Variants in SLIT3 observed in about 807,000 individuals in gnomAD.
SLIT3 encodes the protein slit guidance ligand 3, also known as slit homolog 3 protein.
A neutral mutation model predicts 184.0 loss-of-function variants in SLIT3; 68 were observed. The ratio of observed to expected loss-of-function variants is 0.37; its 90% CI spans 0.30 to 0.45. SLIT3 has a LOEUF of 0.45. SLIT3 is among the 20% of genes least tolerant of loss of function. SLIT3 has a pLI of 1.00. For synonymous variants in SLIT3, 831 were observed against 828.6 expected, an observed-to-expected ratio of 1.00 and a Z score of -0.05; for missense variants, 1,707 against 2,026.0, an observed-to-expected ratio of 0.84 and a Z score of 3.02.
At chr5:169,051,123 A>C (rs1757799538) in intron 4 of SLIT3, among the ~76,000 whole-genome samples, 1 of 152,208 alleles carries the variant, frequency 6.6e-6, no homozygotes, top group African/African-American at 2.4e-5. Context: ...GTCAGAAGCA[A>C]TAAAAGTAGA....
At chr5:168,826,175 A>G (rs372994466) in intron 6 of SLIT3, among the ~76,000 whole-genome samples, 143 of 152,346 alleles carry the variant, frequency 9.4e-4, no homozygotes, top group African/African-American at 3.3e-3. Context: ...GTATTACTAC[A>G]CTGATATTTA....
At chr5:169,168,681 G>A (rs867991073) in intron 4 of SLIT3, among the ~76,000 whole-genome samples, 3 of 152,160 alleles carry the variant, frequency 2.0e-5, no homozygotes, top group Admixed American at 6.5e-5. Flanking sequence ...TGACAAAGTC[G>A]AGATTCAGAC....
rs150679300 is a variant in SLIT3, at chr5:168,921,716, G to A, written c.414-38380C>T. 7.9e-3 allele frequency among the ~76,000 whole-genome samples: 1,203 copies of A among 152,206 alleles called. 15 individuals carry two copies. Among genetic ancestry groups the A allele is most frequent in the African/African-American group, 0.027 (1,125 of 41,514 alleles). On this transcript the variant is annotated intron_variant, in intron 4 of 35. Transcript: ENST00000519560. The stretch of plus-strand genomic sequence containing the variant: ...CAAGCTGCTTACTTTCCTCCCACCC[G>A]CTCAGGGAGCATCCTTGATCTTTGA...
chr5:168,743,441 T>A (rs2113438542), intron 20 of SLIT3, among the ~76,000 whole-genome samples: 1 of 152,328 alleles, frequency 6.6e-6, no homozygotes, highest in African/African-American at 2.4e-5. Flanking sequence ...GTAATTGTTT[T>A]GAGGCACCAC....
intron 10 of SLIT3, among the ~76,000 whole-genome samples, chr5:168,793,351 T>A (rs1756451702): frequency 6.6e-6 from 1 of 152,134 alleles, no homozygotes; most frequent in South Asian, 2.1e-4. Flanking sequence ...GTCACGTATA[T>A]TTAGGAAAAA....
chr5:169,194,233 C>CAAAAAA (rs10571842), intron 3 of SLIT3, among the ~76,000 whole-genome samples: 21 of 61,396 alleles, frequency 3.4e-4, no homozygotes, highest in Non-Finnish European at 4.3e-4. Context: ...GACTCTGTCT[C>CAAAAAA]AAAAAAAAAA....
chr5:169,257,650 G>A (rs1193091534), intron 1 of SLIT3, among the ~76,000 whole-genome samples: 2 of 139,744 alleles, frequency 1.4e-5, no homozygotes, highest in Non-Finnish European at 3.0e-5. Flanking sequence ...GGGTTCAAGC[G>A]ATTCTCCTTC....
chr5:168,728,504 T>C (rs1016899459), intron 20 of SLIT3, among the ~76,000 whole-genome samples: 2 of 151,762 alleles, frequency 1.3e-5, no homozygotes, highest in African/African-American at 4.8e-5. Flanking sequence ...GAATTGAAAA[T>C]GTTATTCTTA....
chr5:168,827,125 C>T (rs530514634), intron 6 of SLIT3, among the ~76,000 whole-genome samples: 1 of 152,328 alleles, frequency 6.6e-6, no homozygotes, highest in South Asian at 2.1e-4. Context: ...ATATCACCTC[C>T]ATTTCATGAT....
chr5:169,253,846 C>T (rs576163835), intron 1 of SLIT3, among the ~76,000 whole-genome samples: 2 of 152,290 alleles, frequency 1.3e-5, no homozygotes, highest in South Asian at 4.1e-4. Flanking sequence ...TATTTTGTGG[C>T]TGACAAATAG....
intron 3 of SLIT3, among the ~76,000 whole-genome samples, chr5:169,202,774 AC>A (rs1763942693): frequency 6.6e-6 from 1 of 150,478 alleles, no homozygotes; most frequent in Non-Finnish European, 1.5e-5. Context: ...TGAAAAGAAA[AC>A]AAGCACAAAG....
At chr5:169,193,209 C>T (rs900721253) in intron 4 of SLIT3, among the ~76,000 whole-genome samples, 13 of 152,180 alleles carry the variant, frequency 8.5e-5, no homozygotes, top group South Asian at 2.1e-4. Flanking sequence ...ATGGAAGCAT[C>T]GCCTCCCTCC....
intron 4 of SLIT3, among the ~76,000 whole-genome samples, chr5:168,964,326 G>A (rs1763110939): frequency 6.6e-6 from 1 of 152,228 alleles, no homozygotes; most frequent in South Asian, 2.1e-4. Flanking sequence ...ATTTATGTGA[G>A]GGAGAGTTTA....
At position 168,708,022 on chromosome 5, in the gene SLIT3, T is replaced by C; in HGVS notation, c.2798A>G (p.Gln933Arg). 1.2e-6 allele frequency: 2 copies of C among 1,614,228 alleles called. No individual in the cohort carries two copies. Among genetic ancestry groups the C allele is most frequent in the Non-Finnish European group, 1.7e-6 (2 of 1,180,040 alleles). The change falls in exon 26 of 36, where the codon CAG (glutamine) becomes CGG (arginine). Residue 933 changes from glutamine to arginine, a missense_variant. Transcript: ENST00000519560. ...ACAGCGGTACAGCTCCACAGGGTCCTGGGTGCATGTCCCGTTATTCTTGCA... is the reference window on the plus strand; with the variant it reads ...ACAGCGGTACAGCTCCACAGGGTCCCGGGTGCATGTCCCGTTATTCTTGCA... Reference protein sequence around the residue: ...SPCKNNGTCTQDPVELYRCAC... With the variant: ...SPCKNNGTCTRDPVELYRCAC...
chr5:168,672,569 A>C (rs1452229860), intron 33 of SLIT3, among the ~76,000 whole-genome samples: 2 of 152,074 alleles, frequency 1.3e-5, no homozygotes, highest in Admixed American at 1.3e-4. Context: ...CCAACCTCCC[A>C]GGCTCAAGCA....
At chr5:169,062,503 T>C (rs1758207590) in intron 4 of SLIT3, among the ~76,000 whole-genome samples, 1 of 152,250 alleles carries the variant, frequency 6.6e-6, no homozygotes, top group Non-Finnish European at 1.5e-5. Flanking sequence ...TGATTTTATC[T>C]GTCCACTTCC....
chr5:168,979,654 A>G (rs1182946970), intron 4 of SLIT3, among the ~76,000 whole-genome samples: 2 of 152,166 alleles, frequency 1.3e-5, no homozygotes, highest in Non-Finnish European at 2.9e-5. Flanking sequence ...TGTGTTTAAC[A>G]GAAGGGGGCT....
At chr5:169,294,626 C>T (rs1387361587) in intron 1 of SLIT3, among the ~76,000 whole-genome samples, 1 of 152,218 alleles carries the variant, frequency 6.6e-6, no homozygotes, top group Non-Finnish European at 1.5e-5. Context: ...ATAGCCATGG[C>T]CACTAACATG....
chr5:169,097,124 C>T (rs777595402), intron 4 of SLIT3, among the ~76,000 whole-genome samples: 48 of 152,274 alleles, frequency 3.2e-4, no homozygotes, highest in Non-Finnish European at 6.0e-4. Flanking sequence ...GTTAAGATTC[C>T]TTGTTAGGAC....
Sources: allele counts gnomAD v4.1 joint callset (sites outside exome capture counted in the v4.1 genomes callset), GRCh38; gene constraint gnomAD v4.1.1; transcripts MANE v1.5; gene names NCBI Gene and HGNC (gene_info 2026-07-23, HGNC 2026-07-21).